SLC4A10: variants seen among roughly 807,000 people sequenced by gnomAD.
SLC4A10 encodes sodium-driven chloride bicarbonate exchanger.
A neutral mutation model predicts 137.7 loss-of-function variants in SLC4A10; 42 were observed. The ratio of observed to expected loss-of-function variants is 0.30; its 90% CI spans 0.24 to 0.39. The LOEUF (loss-of-function observed/expected upper bound fraction) is 0.39. Ranked by LOEUF, SLC4A10 falls within the 10% of genes least tolerant of loss-of-function variation. SLC4A10 has a pLI of 1.00. For missense variants in SLC4A10, 925 were observed against 1,355.0 expected (o/e 0.68, Z 4.98); for synonymous variants, 474 against 464.1 (o/e 1.02, Z -0.27).
chr2:161,803,658 G>A (rs1429225818), intron 2 of SLC4A10, among the ~76,000 whole-genome samples: 1 of 152,048 alleles, frequency 6.6e-6, no homozygotes, highest in East Asian at 1.9e-4. Context: ...CTAGCAATAT[G>A]CATTAACAGT....
chr2:161,868,147 C>T (rs55810431), intron 6 of SLC4A10, among the ~76,000 whole-genome samples: 1 of 151,936 alleles, frequency 6.6e-6, no homozygotes, highest in African/African-American at 2.4e-5. Flanking sequence ...TACATATGTG[C>T]ATACTTAAAG....
chr2:161,767,139 A>ATATATGTGTG (rs1362865580), intron 1 of SLC4A10, among the ~76,000 whole-genome samples: 1 of 57,126 alleles, frequency 1.8e-5, no homozygotes, highest in East Asian at 8.3e-4. Flanking sequence ...ATATATATAT[A>ATATATGTGTG]TGTGTGTGTG....
At chr2:161,751,892 C>T (rs774596670) in intron 1 of SLC4A10, among the ~76,000 whole-genome samples, 15 of 151,898 alleles carry the variant, frequency 9.9e-5, no homozygotes, top group African/African-American at 2.9e-4. Context: ...AATGCATACA[C>T]GTTTACTCAA....
chr2:161,719,077 CAGA>C (rs1283264624), intron 1 of SLC4A10, among the ~76,000 whole-genome samples: 1 of 152,012 alleles, frequency 6.6e-6, no homozygotes, highest in African/African-American at 2.4e-5. Context: ...CAACAGTCCC[CAGA>C]GTGTGATGTT....
intron 15 of SLC4A10, among the ~76,000 whole-genome samples, chr2:161,911,094 G>C (rs1420362119): frequency 6.6e-6 from 1 of 151,784 alleles, no homozygotes. Flanking sequence ...ATAATGGTAA[G>C]TTAAGTATAC....
At chr2:161,862,231 A>C (rs1461265389) in intron 5 of SLC4A10, among the ~76,000 whole-genome samples, 1 of 152,128 alleles carries the variant, frequency 6.6e-6, no homozygotes, top group Non-Finnish European at 1.5e-5. Flanking sequence ...TAACATTCTC[A>C]AGGGAGTGTG....
intron 2 of SLC4A10, among the ~76,000 whole-genome samples, chr2:161,789,192 A>T (rs983405883): frequency 6.6e-6 from 1 of 152,180 alleles, no homozygotes; most frequent in Non-Finnish European, 1.5e-5. Context: ...CCCACCCCAG[A>T]GAGTTCCCAA....
At chr2:161,778,589 A>C (rs988054285) in intron 2 of SLC4A10, among the ~76,000 whole-genome samples, 1 of 151,978 alleles carries the variant, frequency 6.6e-6, no homozygotes, top group African/African-American at 2.4e-5. Flanking sequence ...TGCCTAATTA[A>C]TGTTCATCAA....
intron 1 of SLC4A10, among the ~76,000 whole-genome samples, chr2:161,638,540 T>C (rs1215714062): frequency 1.3e-5 from 2 of 152,100 alleles, no homozygotes; most frequent in East Asian, 3.9e-4. Flanking sequence ...TTGCAGTGTA[T>C]TTTGAAGTCA....
At chr2:161,675,205 A>G (rs1324085607) in intron 1 of SLC4A10, among the ~76,000 whole-genome samples, 1 of 152,176 alleles carries the variant, frequency 6.6e-6, no homozygotes, top group African/African-American at 2.4e-5. Context: ...CCTGGTCACT[A>G]ACTTAATTGT....
At chr2:161,643,122 T>C (rs992976238) in intron 1 of SLC4A10, among the ~76,000 whole-genome samples, 1 of 152,048 alleles carries the variant, frequency 6.6e-6, no homozygotes, top group Non-Finnish European at 1.5e-5. Context: ...TAATTCAATA[T>C]AGATAACTTA....
rs535098132 is a variant in SLC4A10, at chr2:161,685,835, T to C, written c.48+61269T>C. On this transcript the variant is annotated intron_variant, in intron 1 of 26. Transcript: ENST00000446997. ...CAAGGTTATTTGACTTAACTCCAAT[T>C]ACATTTACACAAAATTTATTAACTA... Among the ~76,000 whole-genome samples, 3 of 152,286 alleles carry C rather than the reference T, an allele frequency of 2.0e-5. No homozygotes were observed. The East Asian group carries it at 5.8e-4, about 29-fold the overall frequency.
At chr2:161,981,036 C>T (rs1700149741) in intron 26 of SLC4A10, among the ~76,000 whole-genome samples, 2 of 152,030 alleles carry the variant, frequency 1.3e-5, no homozygotes, top group Admixed American at 1.3e-4. Context: ...AATCTGATAC[C>T]AAAACTATGG....
chr2:161,635,519 CT>C (rs2034268999), intron 1 of SLC4A10, among the ~76,000 whole-genome samples: 1 of 152,164 alleles, frequency 6.6e-6, no homozygotes, highest in Non-Finnish European at 1.5e-5. Flanking sequence ...CCATATCCTC[CT>C]CTTGGTAGTC....
chr2:161,940,717 G>C (rs897885545), intron 15 of SLC4A10, among the ~76,000 whole-genome samples: 1 of 152,184 alleles, frequency 6.6e-6, no homozygotes, highest in Admixed American at 6.5e-5. Flanking sequence ...TCGTGAAAGA[G>C]ACAAGCTAAA....
chr2:161,827,181 G>A (rs934037278), intron 3 of SLC4A10, among the ~76,000 whole-genome samples: 9 of 152,136 alleles, frequency 5.9e-5, no homozygotes, highest in African/African-American at 1.7e-4. Context: ...CTTCTCCAGT[G>A]TTGAGTCTTC....
rs773004975 is a variant in SLC4A10, at chr2:161,894,838, G to A, written c.1341+13G>A. Reference sequence around the variant, plus strand: ...TGTTCCTTCCCAGGTATGTATATTTGAAGACATTCTTTGAAATTGAATTTT... The same window carrying A: ...TGTTCCTTCCCAGGTATGTATATTTAAAGACATTCTTTGAAATTGAATTTT... On this transcript the variant is annotated intron_variant, in intron 11 of 26. Transcript: ENST00000446997. The A allele has an allele frequency of 7.5e-7, 1 of 1,334,020 alleles. No homozygotes were observed. The highest frequency in any genetic ancestry group is 2.5e-5 in the South Asian group (1 of 40,502). 82.6% of individuals were successfully genotyped at this position (1,334,020 alleles called of 1,614,324 possible).
chr2:161,647,524 T>C (rs2036224913), intron 1 of SLC4A10, among the ~76,000 whole-genome samples: 1 of 152,046 alleles, frequency 6.6e-6, no homozygotes, highest in Admixed American at 6.6e-5. Context: ...ATTATAGATA[T>C]ACACCAAAAT....
At chr2:161,665,030 A>C (rs998668515) in intron 1 of SLC4A10, among the ~76,000 whole-genome samples, 11 of 151,824 alleles carry the variant, frequency 7.2e-5, no homozygotes, top group African/African-American at 2.7e-4. Context: ...TTAGTATACA[A>C]GTTAGTTCAG....
Sources: allele counts gnomAD v4.1 joint callset (sites outside exome capture counted in the v4.1 genomes callset), GRCh38; gene constraint gnomAD v4.1.1; transcripts MANE v1.5; gene names NCBI Gene and HGNC (gene_info 2026-07-23, HGNC 2026-07-21).